The following NRG3 variants were observed in gnomAD, a reference collection of about 807,000 sequenced individuals.
The protein encoded by NRG3 is neuregulin 3, also known as pro-neuregulin-3, membrane-bound isoform.
Under a neutral mutation model 66.9 loss-of-function variants are expected in NRG3, and 31 were observed. That is an observed-to-expected ratio of 0.46 (90% CI 0.35 to 0.63). The LOEUF (loss-of-function observed/expected upper bound fraction) is 0.63. Ranked by LOEUF, NRG3 falls within the 20% of genes least tolerant of loss-of-function variation. The probability of loss-of-function intolerance (pLI) is 0.00; values close to 1 mark genes in which losing one functional copy is unlikely to be tolerated. For missense variants in NRG3, 910 were observed against 878.9 expected, an observed-to-expected ratio of 1.04 and a Z score of -0.45; for synonymous variants, 393 against 359.4, an observed-to-expected ratio of 1.09 and a Z score of -1.06.
intron 1 of NRG3, among the ~76,000 whole-genome samples, chr10:82,283,349 C>A (rs1196944833): frequency 2.0e-5 from 3 of 152,136 alleles, no homozygotes; most frequent in African/African-American, 7.2e-5. Context: ...ATTCAGGCTA[C>A]ATTTTTAAAG....
At chr10:82,512,048 G>A (rs987282019) in intron 2 of NRG3, among the ~76,000 whole-genome samples, 2 of 151,874 alleles carry the variant, frequency 1.3e-5, no homozygotes, top group East Asian at 1.9e-4. Context: ...AATGAATATC[G>A]AAGATAATTT....
chr10:82,469,920 G>T (rs1173017051), intron 2 of NRG3, among the ~76,000 whole-genome samples: 1 of 152,160 alleles, frequency 6.6e-6, no homozygotes, highest in Non-Finnish European at 1.5e-5. Context: ...CTTTGAATGT[G>T]CATGCTAAGA....
intron 1 of NRG3, among the ~76,000 whole-genome samples, chr10:82,342,730 A>T (rs2082748111): frequency 1.3e-5 from 2 of 151,794 alleles, no homozygotes; most frequent in African/African-American, 2.4e-5. Context: ...TGTTTACTGT[A>T]TTTATCATTT....
chr10:82,321,807 G>A (rs370446451), intron 1 of NRG3, among the ~76,000 whole-genome samples: 2 of 152,152 alleles, frequency 1.3e-5, no homozygotes, highest in East Asian at 1.9e-4. Flanking sequence ...TTTCCTGAAG[G>A]CATAGAACCT....
chr10:82,357,878 C>T (rs577478387), intron 1 of NRG3, among the ~76,000 whole-genome samples: 1 of 152,214 alleles, frequency 6.6e-6, no homozygotes, highest in South Asian at 2.1e-4. Context: ...AAAGCTTAAG[C>T]ATTGAATAAT....
intron 2 of NRG3, among the ~76,000 whole-genome samples, chr10:82,379,343 C>T (rs2063085991): frequency 6.6e-6 from 1 of 151,898 alleles, no homozygotes; most frequent in Admixed American, 6.6e-5. Flanking sequence ...GCTTCACAGG[C>T]CCAAATAATG....
At chr10:82,298,220 A>C (rs930219724) in intron 1 of NRG3, among the ~76,000 whole-genome samples, 2 of 135,740 alleles carry the variant, frequency 1.5e-5, no homozygotes, top group African/African-American at 5.4e-5. Context: ...GAAGGAAAGA[A>C]GGGAGGGAGG....
intron 5 of NRG3, among the ~76,000 whole-genome samples, chr10:82,954,983 A>G (rs1418141272): frequency 6.6e-6 from 1 of 151,888 alleles, no homozygotes; most frequent in Non-Finnish European, 1.5e-5. Context: ...CCAGGATTCT[A>G]AGGCCTCTCT....
In NRG3 at chr10:82,436,125, C is replaced by T. The variant is rs528953782; in HGVS notation, c.953+77257C>T. On this transcript the variant is annotated intron_variant, in intron 2 of 8. Transcript: ENST00000372141. ...TTCTGTCTCATTGATCCATCTAATA[C>T]TGACATTGGGGTGTTAAAGTCTCCC... is the stretch of plus-strand genomic sequence containing the variant. Among the ~76,000 whole-genome samples the T allele has an allele frequency of 1.1e-3, 174 of 152,142 alleles. 1 individual carries two copies. Among genetic ancestry groups the T allele is most frequent in the African/African-American group, 3.8e-3 (159 of 41,532 alleles).
intron 1 of NRG3, among the ~76,000 whole-genome samples, chr10:82,205,222 A>G (rs17656748): frequency 0.011 from 1,727 of 152,288 alleles, 20 homozygotes; most frequent in Middle Eastern, 0.017. Flanking sequence ...CGTTCCCACT[A>G]CAGATGCCAT....
intron 2 of NRG3, among the ~76,000 whole-genome samples, chr10:82,639,729 A>G (rs1031371220): frequency 6.6e-6 from 1 of 151,852 alleles, no homozygotes; most frequent in Non-Finnish European, 1.5e-5. Context: ...TCTTGGCTGT[A>G]AGAATTTCTT....
intron 1 of NRG3, among the ~76,000 whole-genome samples, chr10:82,207,619 C>T (rs200561863): frequency 1.3e-5 from 2 of 152,128 alleles, no homozygotes; most frequent in East Asian, 3.9e-4. Flanking sequence ...CCAAGCCTGG[C>T]TAATTTATAA....
chr10:82,916,924 A>T (rs7921518), intron 4 of NRG3, among the ~76,000 whole-genome samples: 3 of 152,164 alleles, frequency 2.0e-5, no homozygotes, highest in Non-Finnish European at 4.4e-5. Context: ...CCAACATTTT[A>T]AAAAATGCCC....
intron 3 of NRG3, among the ~76,000 whole-genome samples, chr10:82,864,699 A>G (rs1012089728): frequency 1.3e-4 from 20 of 152,186 alleles, no homozygotes; most frequent in African/African-American, 4.8e-4. Context: ...GCTGGTCAGG[A>G]TGGTTTGCAT....
At chr10:82,330,719 A>T (rs1161582434) in intron 1 of NRG3, among the ~76,000 whole-genome samples, 1 of 152,224 alleles carries the variant, frequency 6.6e-6, no homozygotes, top group Non-Finnish European at 1.5e-5. Flanking sequence ...AAGTTTGTCC[A>T]CCTGGCTTCC....
At chr10:82,059,001 A>C (rs1429884512) in intron 1 of NRG3, among the ~76,000 whole-genome samples, 1 of 152,152 alleles carries the variant, frequency 6.6e-6, no homozygotes, top group Non-Finnish European at 1.5e-5. Context: ...CCGAGGCAAC[A>C]TGTGGGACGT....
intron 2 of NRG3, among the ~76,000 whole-genome samples, chr10:82,452,406 T>C (rs943097610): frequency 4.6e-5 from 7 of 152,236 alleles, no homozygotes; most frequent in Non-Finnish European, 7.3e-5. Context: ...TTGTAATGTA[T>C]AGAACACAAT....
intron 1 of NRG3, among the ~76,000 whole-genome samples, chr10:82,323,477 T>G (rs942558578): frequency 5.9e-5 from 9 of 151,350 alleles, no homozygotes; most frequent in African/African-American, 2.2e-4. Flanking sequence ...CACTTGGCCA[T>G]GACATATTAT....
chr10:82,577,391 T>C (rs780806923), intron 2 of NRG3, among the ~76,000 whole-genome samples: 7 of 151,878 alleles, frequency 4.6e-5, no homozygotes, highest in South Asian at 2.1e-4. Flanking sequence ...TTTATAGTTA[T>C]AGGAATAAGA....
Sources: allele counts gnomAD v4.1 joint callset (sites outside exome capture counted in the v4.1 genomes callset), GRCh38; gene constraint gnomAD v4.1.1; transcripts MANE v1.5; gene names NCBI Gene and HGNC (gene_info 2026-07-23, HGNC 2026-07-21).